Variants in ZRANB3 observed in about 807,000 individuals in gnomAD.
ZRANB3 encodes zinc finger RANBP2-type containing 3.
ZRANB3 carries 125 observed loss-of-function variants against 133.8 expected under a neutral mutation model. That is an observed-to-expected ratio of 0.93 (90% CI 0.81 to 1.08). The LOEUF (loss-of-function observed/expected upper bound fraction) is 1.08. ZRANB3 is among the 50% of genes least tolerant of loss of function. The pLI is 0.00. For synonymous variants in ZRANB3, 387 were observed against 432.7 expected (o/e 0.89, Z 1.31); for missense variants, 1,229 against 1,275.5 (o/e 0.96, Z 0.56).
intron 1 of ZRANB3, among the ~76,000 whole-genome samples, chr2:135,505,947 C>T (rs1265093533): frequency 6.6e-6 from 1 of 152,044 alleles, no homozygotes; most frequent in Non-Finnish European, 1.5e-5. Flanking sequence ...CCAAGAGTGG[C>T]CTGTCTTAGG....
intron 8 of ZRANB3, among the ~76,000 whole-genome samples, chr2:135,309,940 T>A (rs999445866): frequency 6.6e-6 from 1 of 152,162 alleles, no homozygotes; most frequent in Non-Finnish European, 1.5e-5. Context: ...GGCTTATTTA[T>A]TTATTTATTT....
At chr2:135,337,240 G>A (rs1439283438) in intron 6 of ZRANB3, among the ~76,000 whole-genome samples, 1 of 152,094 alleles carries the variant, frequency 6.6e-6, no homozygotes, top group East Asian at 1.9e-4. Flanking sequence ...AGCTTAAGAT[G>A]CTTATCTTGT....
At chr2:135,501,152 G>A (rs1692924103) in intron 2 of ZRANB3, among the ~76,000 whole-genome samples, 1 of 152,058 alleles carries the variant, frequency 6.6e-6, no homozygotes, top group South Asian at 2.1e-4. Context: ...GTCAGATGAT[G>A]CACAAAGGAA....
chr2:135,313,355 A>C, intron 8 of ZRANB3, 134 bp downstream of exon 8: 1 of 220,624 alleles, frequency 4.5e-6, no homozygotes, highest in Non-Finnish European at 8.2e-6. Context: ...TCCCAACTCA[A>C]AAAAAAAAAA....
intron 8 of ZRANB3, among the ~76,000 whole-genome samples, chr2:135,305,052 C>G (rs944251397): frequency 6.6e-6 from 1 of 152,130 alleles, no homozygotes; most frequent in Non-Finnish European, 1.5e-5. Flanking sequence ...TCTCGGCTCA[C>G]TGAAACCTCC....
At chr2:135,405,426 A>G (rs940185983) in intron 2 of ZRANB3, among the ~76,000 whole-genome samples, 1 of 152,230 alleles carries the variant, frequency 6.6e-6, no homozygotes, top group Non-Finnish European at 1.5e-5. Flanking sequence ...CAGAAAGTTA[A>G]CAAGCATATC....
chr2:135,461,560 A>G (rs1690766207), intron 2 of ZRANB3, among the ~76,000 whole-genome samples: 1 of 152,182 alleles, frequency 6.6e-6, no homozygotes, highest in Admixed American at 6.5e-5. Flanking sequence ...AACAAGAGCA[A>G]AACTCCATCT....
intron 2 of ZRANB3, among the ~76,000 whole-genome samples, chr2:135,447,494 A>C (rs547900664): frequency 6.6e-6 from 1 of 152,010 alleles, no homozygotes; most frequent in Non-Finnish European, 1.5e-5. Flanking sequence ...ATTTTTTCTG[A>C]AGTATCTTAT....
At chr2:135,449,559 G>A (rs1690175490) in intron 2 of ZRANB3, among the ~76,000 whole-genome samples, 1 of 152,170 alleles carries the variant, frequency 6.6e-6, no homozygotes, top group Non-Finnish European at 1.5e-5. Context: ...GGCAGAGGTT[G>A]CAGTGAGTCG....
chr2:135,458,568 T>C (rs991485488), intron 2 of ZRANB3, among the ~76,000 whole-genome samples: 4 of 152,080 alleles, frequency 2.6e-5, no homozygotes, highest in Non-Finnish European at 5.9e-5. Flanking sequence ...ACTTATGAAA[T>C]TGGTACTTCA....
intron 12 of ZRANB3, among the ~76,000 whole-genome samples, chr2:135,243,264 C>A (rs1190231924): frequency 6.6e-6 from 1 of 152,182 alleles, no homozygotes; most frequent in African/African-American, 2.4e-5. Flanking sequence ...GCCTGTAATC[C>A]CAGCACTTTG....
intron 2 of ZRANB3, among the ~76,000 whole-genome samples, chr2:135,411,458 C>A (rs567317719): frequency 3.9e-5 from 6 of 152,210 alleles, no homozygotes; most frequent in African/African-American, 1.2e-4. Context: ...CAAGAAGACA[C>A]CTGCACTCAT....
chr2:135,420,115 AT>A (rs1558988192), intron 2 of ZRANB3, among the ~76,000 whole-genome samples: 8,160 of 131,380 alleles, frequency 0.062, 768 homozygotes, highest in African/African-American at 0.23. Flanking sequence ...ATATATATAT[AT>A]ATATATATAA....
At chr2:135,227,751 A>G in intron 14 of ZRANB3, 61 bp downstream of exon 14, 2 of 1,468,458 alleles carry the variant, frequency 1.4e-6, no homozygotes. Context: ...ATCTAATAAC[A>G]GTATTATGTG....
chr2:135,426,866 ATATATATATATATATATATATAT>A (rs1689115395), intron 2 of ZRANB3, among the ~76,000 whole-genome samples: 2 of 11,822 alleles, frequency 1.7e-4, no homozygotes, highest in African/African-American at 6.5e-4. Flanking sequence ...AAAAAAAAAT[ATATATATATATATATATATATAT>A]ATATATATAT....
At chr2:135,223,900 T>C (rs977684355) in intron 15 of ZRANB3, among the ~76,000 whole-genome samples, 49 of 152,292 alleles carry the variant, frequency 3.2e-4, no homozygotes, top group Middle Eastern at 3.4e-3. Flanking sequence ...CAAGTGATCA[T>C]TGCAGGAATT....
intron 2 of ZRANB3, among the ~76,000 whole-genome samples, chr2:135,457,965 A>T (rs1690601169): frequency 6.6e-6 from 1 of 152,118 alleles, no homozygotes. Context: ...TTTAGGTGTC[A>T]TATCTATGAA....
chr2:135,370,132 C>T (rs780890903), intron 3 of ZRANB3, among the ~76,000 whole-genome samples: 26 of 145,792 alleles, frequency 1.8e-4, no homozygotes, highest in Non-Finnish European at 2.0e-4. Flanking sequence ...GTGGCTTAAA[C>T]AAAAACAAGC....
rs1210609587 is a variant in ZRANB3 at position 135,224,459 on chromosome 2, A to G, written c.2217T>C (p.Ser739=). 1.9e-6 allele frequency: 3 copies of G among 1,613,350 alleles called. No homozygotes were observed. The highest frequency in any genetic ancestry group is 1.3e-5 in the African/African-American group (1 of 74,930). Residue 739 remains serine (S), a synonymous_variant, in exon 15 of 21, where the codon AGT becomes AGC. Coordinates refer to ENST00000264159, the MANE Select transcript of ZRANB3 (RefSeq NM_032143.4). ...PVYDTLMFCA[S]RNTDRIHIYT... is the part of the protein sequence containing the mutation. The stretch of plus-strand genomic sequence containing the variant: ...AGATGTGAATCCGGTCAGTATTCCT[A>G]CTTGCACAGAACATTAAGGTGTCAT...
Sources: gnomAD v4.1 joint callset for allele counts (sites outside exome capture counted in the v4.1 genomes callset) on GRCh38, gnomAD v4.1.1 for gene constraint, MANE v1.5 for transcripts, NCBI Gene and HGNC (gene_info 2026-07-23, HGNC 2026-07-21) for gene names.